EPS15: variants seen among roughly 807,000 people sequenced by gnomAD.
The protein encoded by EPS15 is epidermal growth factor receptor pathway substrate 15.
Under a neutral mutation model 113.8 loss-of-function variants are expected in EPS15, and 72 were observed. The observed-to-expected ratio is 0.63, with a 90% CI of 0.52 to 0.77. The LOEUF is 0.77. Among genes scored for constraint, EPS15 ranks in the 30% least tolerant of loss-of-function variants. The probability of loss-of-function intolerance (pLI) is 0.00; values close to 1 mark genes in which losing one functional copy is unlikely to be tolerated. For synonymous variants in EPS15, 344 were observed against 363.4 expected (o/e 0.95, Z 0.61); for missense variants, 1,048 against 1,045.8 (o/e 1.00, Z -0.03).
chr1:51,428,623 T>G (rs554822782), intron 12 of EPS15, among the ~76,000 whole-genome samples: 1 of 151,918 alleles, frequency 6.6e-6, no homozygotes, highest in Non-Finnish European at 1.5e-5. Context: ...GGTCAGGAGT[T>G]CGAGACCAGC....
rs754021134 is a variant in EPS15, at chr1:51,461,094, T to C, written c.558A>G (p.Ala186=). ...TTAAGAACATTAGATTACTTACAAC[T>C]GCAAACTCATCTCTGTCAAGCATTC... ...HDGMLDRDEF[A]VAMFLVYCAL... is the part of the protein sequence containing the mutation. The change falls in exon 8 of 25, where the codon GCA becomes GCG. Residue 186 remains alanine, a synonymous_variant. Coordinates refer to ENST00000371733, the MANE Select transcript of EPS15 (RefSeq NM_001981.3). 2.5e-6 allele frequency: 4 copies of C among 1,591,050 alleles called. No homozygotes were observed. In the South Asian group the frequency reaches 4.4e-5, roughly 18 times the overall value.
chr1:51,488,111 C>G (rs1644158714), intron 1 of EPS15, among the ~76,000 whole-genome samples: 1 of 152,040 alleles, frequency 6.6e-6, no homozygotes, highest in East Asian at 1.9e-4. Flanking sequence ...TAAACACATC[C>G]TAATTATATA....
chr1:51,517,503 A>C (rs1644744160), intron 1 of EPS15, among the ~76,000 whole-genome samples: 1 of 152,218 alleles, frequency 6.6e-6, no homozygotes, highest in Non-Finnish European at 1.5e-5. Flanking sequence ...ATTTTACGGA[A>C]GTCTTTAAGA....
chr1:51,415,796 C>CAAAAAAAAAAAA (rs55806131), intron 13 of EPS15, among the ~76,000 whole-genome samples: 2 of 21,966 alleles, frequency 9.1e-5, no homozygotes, highest in Non-Finnish European at 1.6e-4. Context: ...AACTCCGTCT[C>CAAAAAAAAAAAA]AAAAAAAAAA....
At chr1:51,419,228 T>A (rs1383251308) in intron 13 of EPS15, among the ~76,000 whole-genome samples, 1 of 152,124 alleles carries the variant, frequency 6.6e-6, no homozygotes, top group Non-Finnish European at 1.5e-5. Context: ...TCATACAAGC[T>A]AACAGTGATC....
intron 21 of EPS15, among the ~76,000 whole-genome samples, chr1:51,391,983 T>C (rs1647421812): frequency 6.6e-6 from 1 of 152,076 alleles, no homozygotes; most frequent in Non-Finnish European, 1.5e-5. Context: ...GAGATGTGAC[T>C]AGAGATATAG....
intron 16 of EPS15, among the ~76,000 whole-genome samples, chr1:51,405,282 T>C (rs1648989923): frequency 6.6e-6 from 1 of 152,216 alleles, no homozygotes; most frequent in Non-Finnish European, 1.5e-5. Context: ...ACTCGTCAAA[T>C]AATTGGTAAA....
At chr1:51,448,832 C>T (rs1018696381) in intron 8 of EPS15, among the ~76,000 whole-genome samples, 3 of 152,072 alleles carry the variant, frequency 2.0e-5, no homozygotes, top group Non-Finnish European at 4.4e-5. Flanking sequence ...AGCTCTCTGC[C>T]CTCCTTCTAT....
chr1:51,385,643 C>T (rs997723042), intron 21 of EPS15, among the ~76,000 whole-genome samples: 7 of 151,986 alleles, frequency 4.6e-5, no homozygotes, highest in South Asian at 2.1e-4. Flanking sequence ...CAAAATGTGA[C>T]GGCAACTAAG....
intron 8 of EPS15, among the ~76,000 whole-genome samples, chr1:51,460,280 T>G (rs1195956697): frequency 1.3e-5 from 2 of 152,206 alleles, no homozygotes; most frequent in Non-Finnish European, 2.9e-5. Flanking sequence ...CAGCAAAGTT[T>G]TATCAAACCT....
chr1:51,452,097 T>C (rs532244658), intron 8 of EPS15, among the ~76,000 whole-genome samples: 1 of 150,736 alleles, frequency 6.6e-6, no homozygotes, highest in Admixed American at 6.6e-5. Context: ...CCCAGGCTGG[T>C]TGGTCTCCAA....
chr1:51,377,353 G>A (rs138966023), intron 21 of EPS15, among the ~76,000 whole-genome samples: 3 of 152,268 alleles, frequency 2.0e-5, no homozygotes, highest in East Asian at 1.9e-4. Flanking sequence ...ACATCCAACC[G>A]TCATGTATTA....
At chr1:51,391,526 T>C (rs1373957834) in intron 21 of EPS15, among the ~76,000 whole-genome samples, 1 of 152,022 alleles carries the variant, frequency 6.6e-6, no homozygotes, top group Admixed American at 6.6e-5. Flanking sequence ...GAGATTATCA[T>C]GTGAACATAC....
At chr1:51,374,293 G>A (rs1646731436) in intron 21 of EPS15, among the ~76,000 whole-genome samples, 1 of 152,088 alleles carries the variant, frequency 6.6e-6, no homozygotes, top group Non-Finnish European at 1.5e-5. Context: ...CAATAAAATG[G>A]AAAAATAATT....
chr1:51,440,910 C>T (rs1249071654), intron 11 of EPS15, among the ~76,000 whole-genome samples: 1 of 152,056 alleles, frequency 6.6e-6, no homozygotes, highest in East Asian at 1.9e-4. Flanking sequence ...GGAATTTTTA[C>T]TTTTGTTACA....
At chr1:51,509,111 TCAGAG>T (rs1407669780) in intron 1 of EPS15, among the ~76,000 whole-genome samples, 1 of 152,116 alleles carries the variant, frequency 6.6e-6, no homozygotes, top group East Asian at 1.9e-4. Flanking sequence ...AAAAGCTACT[TCAGAG>T]CAAATGTCAT....
intron 21 of EPS15, among the ~76,000 whole-genome samples, chr1:51,375,512 T>C (rs1052668828): frequency 3.3e-5 from 5 of 152,174 alleles, no homozygotes; most frequent in Admixed American, 3.3e-4. Context: ...ACCAGTAAGG[T>C]GGGTAAATGT....
chr1:51,399,730 G>A (rs994381670), intron 19 of EPS15, among the ~76,000 whole-genome samples: 44 of 152,116 alleles, frequency 2.9e-4, no homozygotes, highest in East Asian at 9.7e-4. Context: ...GTGGTGGTGC[G>A]CGCCCGTAAT....
At chr1:51,505,752 CTT>C (rs796734952) in intron 1 of EPS15, among the ~76,000 whole-genome samples, 88 of 152,052 alleles carry the variant, frequency 5.8e-4, no homozygotes, top group African/African-American at 2.0e-3. Context: ...AAAAAAGTCT[CTT>C]AATAAAAGTA....
Sources: gnomAD v4.1 joint callset for allele counts (sites outside exome capture counted in the v4.1 genomes callset) on GRCh38, gnomAD v4.1.1 for gene constraint, MANE v1.5 for transcripts, NCBI Gene and HGNC (gene_info 2026-07-23, HGNC 2026-07-21) for gene names.